Variants in MRE11 observed in about 807,000 individuals in gnomAD.
MRE11 encodes the protein MRE11 double strand break repair nuclease.
MRE11 carries 62 observed loss-of-function variants against 91.7 expected under a neutral mutation model. That is an observed-to-expected ratio of 0.68 (90% CI 0.55 to 0.84). The LOEUF (loss-of-function observed/expected upper bound fraction) is 0.84. MRE11 is among the 40% of genes least tolerant of loss of function. The pLI is 0.00. For missense variants in MRE11, 796 were observed against 852.9 expected (o/e 0.93, Z 0.83); for synonymous variants, 273 against 271.4 (o/e 1.01, Z -0.06).
intron 3 of MRE11, among the ~76,000 whole-genome samples, chr11:94,488,757 A>G (rs112277194): frequency 1.3e-5 from 2 of 152,286 alleles, no homozygotes; most frequent in Non-Finnish European, 2.9e-5. Flanking sequence ...ACATGGACAC[A>G]AAGAGGGGAA....
chr11:94,477,209 TAATA>T (rs936401700), intron 6 of MRE11, among the ~76,000 whole-genome samples: 3 of 152,194 alleles, frequency 2.0e-5, no homozygotes, highest in Admixed American at 1.3e-4. Context: ...ACTTTTGATC[TAATA>T]TATACATTAT....
intron 19 of MRE11, among the ~76,000 whole-genome samples, chr11:94,422,939 C>G (rs1591625642): frequency 6.6e-6 from 1 of 152,074 alleles, no homozygotes; most frequent in Non-Finnish European, 1.5e-5. Context: ...TCATGAACTC[C>G]CGACCTCAGG....
At chr11:94,496,940 G>GA (rs757002834), upstream of MRE11, 6 of 1,612,848 alleles carry the variant, frequency 3.7e-6, no homozygotes, top group East Asian at 2.2e-5. Context: ...TTGGGCTGCT[G>GA]AAAAAAATCG....
chr11:94,480,430 C>G (rs1035004883), intron 4 of MRE11, among the ~76,000 whole-genome samples: 1 of 152,252 alleles, frequency 6.6e-6, no homozygotes, highest in Non-Finnish European at 1.5e-5. Context: ...ACACAGTACT[C>G]CATTGCATGG....
chr11:94,471,078 T>TA (rs1481344760), intron 8 of MRE11, among the ~76,000 whole-genome samples: 1 of 152,070 alleles, frequency 6.6e-6, no homozygotes, highest in Non-Finnish European at 1.5e-5. Context: ...AACCCTATTA[T>TA]CATTGTAACA....
chr11:94,468,010 G>A, intron 9 of MRE11, 117 bp from the exon 10 acceptor site: 1 of 770,388 alleles, frequency 1.3e-6, no homozygotes, highest in South Asian at 1.5e-5. Flanking sequence ...TATTTCCTAG[G>A]TCATTTATGA....
rs757700640 is a variant in MRE11, at chr11:94,471,719, A to G, written c.700T>C (p.Leu234=). Residue 234 remains leucine (L), a synonymous_variant, in exon 8 of 20, where the codon TTG becomes CTG. Transcript: ENST00000323929. ...ATAACAAGATCAATGAAGTCATCCA[A>G]AAATTGTTCTGGAATGAAGTTAGTA... The part of the protein sequence containing the change: ...GSTNFIPEQF[L]DDFIDLVIWG... 1 of 1,612,504 alleles carries G rather than the reference A, an allele frequency of 6.2e-7. No homozygotes were observed. The highest frequency in any genetic ancestry group is 1.1e-5 in the South Asian group (1 of 91,014).
At chr11:94,450,044 A>C (rs1946057600) in intron 14 of MRE11, among the ~76,000 whole-genome samples, 1 of 152,180 alleles carries the variant, frequency 6.6e-6, no homozygotes, top group African/African-American at 2.4e-5. Context: ...TCCTACATGC[A>C]AAAAGGCTGC....
At chr11:94,431,876 A>G (rs1014573609) in intron 18 of MRE11, among the ~76,000 whole-genome samples, 8 of 152,206 alleles carry the variant, frequency 5.3e-5, no homozygotes, top group African/African-American at 1.7e-4. Flanking sequence ...TAAACAATCT[A>G]CTGTGATATC....
chr11:94,459,720 G>A, intron 12 of MRE11, 139 bp from the exon 13 acceptor site: 2 of 966,070 alleles, frequency 2.1e-6, no homozygotes, highest in South Asian at 1.7e-5. Context: ...CTAATATCAG[G>A]AACCAGAAAA....
chr11:94,437,605 TC>T (rs763288120), intron 16 of MRE11, among the ~76,000 whole-genome samples: 18 of 152,242 alleles, frequency 1.2e-4, no homozygotes, highest in Non-Finnish European at 2.4e-4. Context: ...GATACCTTTA[TC>T]CCTGTTGCTA....
chr11:94,435,791 T>A, intron 18 of MRE11, 41 bp downstream of exon 18: 1 of 1,558,160 alleles, frequency 6.4e-7, no homozygotes, highest in Non-Finnish European at 8.8e-7. Flanking sequence ...AATTTTTAAT[T>A]TTTTTCAGAT....
rs1352334448 is a variant in MRE11 at position 94,492,766 on chromosome 11, G to A, written c.20+16C>T. 14 of 1,613,942 alleles carry A rather than the reference G, an allele frequency of 8.7e-6. No individual in the cohort carries two copies. Among genetic ancestry groups the A allele is most frequent in the Non-Finnish European group, 1.2e-5 (14 of 1,179,894 alleles). ...AAACCCCAAATAACAAGGGATTCCAGAAGTCAGGTGCTTACAGTGCATCTG... is the reference window on the plus strand; with the variant it reads ...AAACCCCAAATAACAAGGGATTCCAAAAGTCAGGTGCTTACAGTGCATCTG... On this transcript the variant is annotated intron_variant, in intron 2 of 19. Coordinates refer to ENST00000323929, the MANE Select transcript of MRE11 (RefSeq NM_005591.4).
intron 1 of MRE11, 49 bp from the exon 2 acceptor site, chr11:94,492,955 T>C (rs1323290759): frequency 5.7e-6 from 4 of 701,426 alleles, no homozygotes; most frequent in Non-Finnish European, 9.9e-6. Context: ...AGCCTGCACG[T>C]ATTTAACCAA....
intron 10 of MRE11, chr11:94,466,586 C>A: frequency 2.1e-6 from 1 of 469,632 alleles, no homozygotes; most frequent in South Asian, 1.5e-5. Context: ...TAATACAAAC[C>A]AAGGGATAAG....
intron 10 of MRE11, among the ~76,000 whole-genome samples, chr11:94,465,445 G>C (rs552350827): frequency 2.4e-4 from 36 of 148,440 alleles, no homozygotes; most frequent in Non-Finnish European, 3.1e-4. Flanking sequence ...ACCCAGGCTG[G>C]AATGCAGAGG....
the MRE11 span, among the ~76,000 whole-genome samples, chr11:94,511,230 G>A: frequency 6.6e-6 from 1 of 152,128 alleles, no homozygotes; most frequent in Non-Finnish European, 1.5e-5. Context: ...CAGAGAGAAA[G>A]AAAGAGAGAG....
intron 13 of MRE11, among the ~76,000 whole-genome samples, chr11:94,459,174 G>C (rs1009655323): frequency 6.6e-6 from 1 of 152,166 alleles, no homozygotes. Context: ...ATCTTTAAGA[G>C]AAGATACTAT....
intron 4 of MRE11, among the ~76,000 whole-genome samples, chr11:94,481,904 T>C (rs1947022672): frequency 6.6e-6 from 1 of 152,176 alleles, no homozygotes; most frequent in Admixed American, 6.5e-5. Flanking sequence ...GAAGATTAAA[T>C]TATCCAAAAT....
Sources: allele counts gnomAD v4.1 joint callset (sites outside exome capture counted in the v4.1 genomes callset), GRCh38; gene constraint gnomAD v4.1.1; transcripts MANE v1.5; gene names NCBI Gene and HGNC (gene_info 2026-07-23, HGNC 2026-07-21).